Variants in ZNF623 observed in about 807,000 individuals in gnomAD.
ZNF623 encodes the protein zinc finger protein 623.
ZNF623 carries 16 observed loss-of-function variants against 24.0 expected under a neutral mutation model. The ratio of observed to expected loss-of-function variants is 0.67; its 90% CI spans 0.45 to 1.01. ZNF623 has a LOEUF of 1.01. ZNF623 is among the 50% of genes least tolerant of loss of function. The pLI, the probability that ZNF623 is intolerant of heterozygous loss-of-function variation, is 0.00. For missense variants in ZNF623, 566 were observed against 606.5 expected, an observed-to-expected ratio of 0.93 and a Z score of 0.70; for synonymous variants, 224 against 219.8, an observed-to-expected ratio of 1.02 and a Z score of -0.17.
chr8:143,643,964 C>T (rs1815115967), intron 1 of ZNF623, among the ~76,000 whole-genome samples: 1 of 152,146 alleles, frequency 6.6e-6, no homozygotes, highest in South Asian at 2.1e-4. Context: ...TGAAAATATC[C>T]TCACTGTTGG....
In ZNF623 at chr8:143,651,508, G is replaced by A. The variant is rs1815320738; in HGVS notation, c.*25G>A. On this transcript the variant is annotated 3_prime_UTR_variant, in exon 2 of 2. Coordinates refer to ENST00000526926, the MANE Select transcript of ZNF623 (RefSeq NM_001261843.2). ...AAATAATTACTTTCCCGCCCAGTGA[G>A]TGATGTTTGGAAATGCGTGGAATTA... The A allele has an allele frequency of 2.0e-6, 3 of 1,532,464 alleles. No individual in the cohort carries two copies. Among genetic ancestry groups the A allele is most frequent in the Non-Finnish European group, 2.6e-6 (3 of 1,143,686 alleles). 94.9% of individuals were successfully genotyped at this position (1,532,464 alleles called of 1,614,324 possible).
chr8:143,651,449 C>T lies in ZNF623; in HGVS notation c.1457C>T (p.Ser486Phe). 1 of 1,599,974 alleles carries T rather than the reference C, an allele frequency of 6.3e-7. No homozygotes were observed. The highest frequency in any genetic ancestry group is 8.5e-7 in the Non-Finnish European group (1 of 1,174,914). The change falls in exon 2 of 2, where the codon TCT becomes TTT. Residue 486 changes from serine (S) to phenylalanine (F), a missense_variant. Around this residue, in one of 3 missense-constraint regions of ZNF623, gnomAD observed 136 missense variants for 131.9 expected, o/e 1.03. Coordinates refer to ENST00000526926, the MANE Select transcript of ZNF623 (RefSeq NM_001261843.2). ...GCCCCCATACATTTGGGTGAGAGGT[C>T]TGTAGATAAGGGGGAACACACAGGT... The part of the protein sequence containing the change: ...SKAPIHLGER[S>F]VDKGEHTGNL
intron 1 of ZNF623, among the ~76,000 whole-genome samples, chr8:143,649,310 A>G (rs938037647): frequency 3.7e-4 from 56 of 151,852 alleles, no homozygotes; most frequent in African/African-American, 1.3e-3. Flanking sequence ...ACAAAAAAAC[A>G]GCAAGAGTGC....
At chr8:143,647,157 T>G (rs10866914) in intron 1 of ZNF623, among the ~76,000 whole-genome samples, 113,144 of 151,436 alleles carry the variant, frequency 0.75, 44,671 homozygotes, top group Non-Finnish European at 0.89. Flanking sequence ...GTTTTTTTTT[T>G]TTTTGTTTTG....
rs1815310524 is a variant in ZNF623, at chr8:143,651,321, AGAG to A, written c.1330_1332del (p.Glu444del). 1 of 1,614,106 alleles carries A rather than the reference AGAG, an allele frequency of 6.2e-7. No individual in the cohort carries two copies. Among genetic ancestry groups the A allele is most frequent in the Admixed American group, 1.7e-5 (1 of 59,994 alleles). On this transcript the variant is annotated inframe_deletion, in exon 2 of 2. Coordinates refer to ENST00000526926, the MANE Select transcript of ZNF623 (RefSeq NM_001261843.2). ...TTCAACACCAGAAAATTCATACTGA[AGAG>A]AAGCTCTATGAATGTAGTCAGTATG...
At chr8:143,639,322 C>G (rs937742383) in intron 1 of ZNF623, among the ~76,000 whole-genome samples, 34 of 152,272 alleles carry the variant, frequency 2.2e-4, no homozygotes, top group African/African-American at 8.2e-4. Context: ...CTCCTGGGTT[C>G]CAGTCATTCT....
rs530504457 is a variant in ZNF623 at position 143,637,720 on chromosome 8, T to A, written c.-96+1575T>A. ...ACACGGCACCACGTCCGGCTAATTT[T>A]TGTATTTTTAGTAGAGACGAGGTTT... is the stretch of plus-strand genomic sequence containing the variant. On this transcript the variant is annotated intron_variant, in intron 1 of 1. Coordinates refer to ENST00000526926, the MANE Select transcript of ZNF623 (RefSeq NM_001261843.2). Among the ~76,000 whole-genome samples, 38 of 152,256 alleles carry A rather than the reference T, an allele frequency of 2.5e-4. 2 individuals carry two copies. In the South Asian group the frequency reaches 7.7e-3, roughly 31 times the overall value.
chr8:143,650,539 A>G lies in ZNF623; in HGVS notation c.547A>G (p.Ile183Val). ...GGCGTTTTGTCACAGTTCAGACCTGATTAGGCACCAGAGAGTTCACACCAG... is the reference window on the plus strand; with the variant it reads ...GGCGTTTTGTCACAGTTCAGACCTGGTTAGGCACCAGAGAGTTCACACCAG... ...GKAFCHSSDL[I>V]RHQRVHTRER... Residue 183 changes from isoleucine to valine, a missense_variant, in exon 2 of 2, where the codon ATT (isoleucine) becomes GTT (valine). Ile to Val is a conservative substitution (Grantham distance 29, BLOSUM62 3). Around this residue, in one of 3 missense-constraint regions of ZNF623, gnomAD observed 313 missense variants for 300.4 expected, o/e 1.04. Coordinates refer to ENST00000526926, the MANE Select transcript of ZNF623 (RefSeq NM_001261843.2). This position sits in a 1 kb window ranked among gnomAD's most constrained non-coding sequence, Gnocchi z 5.2. 1.9e-6 allele frequency: 3 copies of G among 1,614,206 alleles called. No homozygotes were observed. The highest frequency in any genetic ancestry group is 2.2e-5 in the East Asian group (1 of 44,888).
intron 1 of ZNF623, among the ~76,000 whole-genome samples, chr8:143,647,147 GT>G (rs200303336): frequency 8.7e-4 from 116 of 133,938 alleles, no homozygotes; most frequent in African/African-American, 3.7e-3. Flanking sequence ...GTGCCTTGCT[GT>G]TTTTTTTTTT....
chr8:143,645,311 G>A (rs369585476), intron 1 of ZNF623, among the ~76,000 whole-genome samples: 3 of 151,734 alleles, frequency 2.0e-5, no homozygotes, highest in East Asian at 1.9e-4. Context: ...GCATGGTGGC[G>A]GGCGCCTGTA....
chr8:143,649,093 C>T (rs577049907), intron 1 of ZNF623, among the ~76,000 whole-genome samples: 28 of 151,836 alleles, frequency 1.8e-4, no homozygotes, highest in South Asian at 1.0e-3. Flanking sequence ...CTGGCTAACA[C>T]GGTAAAACCC....
At chr8:143,637,099 G>A (rs1477298976) in intron 1 of ZNF623, among the ~76,000 whole-genome samples, 1 of 152,216 alleles carries the variant, frequency 6.6e-6, no homozygotes, top group African/African-American at 2.4e-5. Context: ...GCCTGGGTGG[G>A]GCGGGGGCAG....
At position 143,650,270 on chromosome 8, in the gene ZNF623, C is replaced by T. The variant is rs375460182; in HGVS notation, c.278C>T (p.Thr93Met). Reference protein sequence around the residue: ...NPCDICGKTFTFNSDLVRHRI... With the variant: ...NPCDICGKTFMFNSDLVRHRI... ...TGCGATATCTGTGGCAAAACCTTCACGTTTAATTCGGACCTAGTTAGGCAT... is the reference window on the plus strand; with the variant it reads ...TGCGATATCTGTGGCAAAACCTTCATGTTTAATTCGGACCTAGTTAGGCAT... The change falls in exon 2 of 2, where the codon ACG becomes ATG. Residue 93 changes from threonine (T) to methionine (M), a missense_variant. Physicochemically the swap from Thr to Met is moderately conservative, Grantham distance 81. This residue lies in a region of ZNF623 where 313 missense variants were observed against 300.4 expected (regional missense o/e 1.04). Transcript: ENST00000526926. The surrounding 1 kb of genome is among the most constrained non-coding windows in gnomAD (Gnocchi z 5.2). 1.8e-5 allele frequency: 29 copies of T among 1,614,106 alleles called. No individual in the cohort carries two copies. Among genetic ancestry groups the T allele is most frequent in the Admixed American group, 3.3e-5 (2 of 60,006 alleles).
At position 143,653,325 on chromosome 8, in the gene ZNF623, A is replaced by C. The variant is rs768970112; in HGVS notation, c.*1842A>C. 5 of 165,900 alleles carry C rather than the reference A, an allele frequency of 3.0e-5. No individual in the cohort carries two copies. The highest frequency in any genetic ancestry group is 4.9e-5 in the African/African-American group (2 of 40,978). 10.3% of individuals were successfully genotyped at this position (165,900 alleles called of 1,614,324 possible). On this transcript the variant is annotated 3_prime_UTR_variant, in exon 2 of 2. Transcript: ENST00000526926. Reference sequence around the variant, plus strand: ...AAATACTACCAACCCTGAACGTCTCAGGACAAATAATTCAAAAAAGAGATC... The same window carrying C: ...AAATACTACCAACCCTGAACGTCTCCGGACAAATAATTCAAAAAAGAGATC...
intron 1 of ZNF623, among the ~76,000 whole-genome samples, chr8:143,646,542 T>C (rs945654548): frequency 1.5e-5 from 2 of 132,586 alleles, no homozygotes; most frequent in African/African-American, 6.8e-5. Flanking sequence ...CTGTGGGGTG[T>C]GTGCGTGTGT....
rs1563702573 is a variant in ZNF623 at position 143,650,892 on chromosome 8, C to T, written c.900C>T (p.Ile300=). ...CAAAGCTCATTCAGCATCAGAGGATCCATACTGGGGAGAGGCCTTACGTAT... is the reference window on the plus strand; with the variant it reads ...CAAAGCTCATTCAGCATCAGAGGATTCATACTGGGGAGAGGCCTTACGTAT... The part of the protein sequence containing the change: ...RSSKLIQHQR[I]HTGERPYVCN... Residue 300 remains isoleucine, a synonymous_variant, in exon 2 of 2, where the codon ATC becomes ATT. Coordinates refer to ENST00000526926, the MANE Select transcript of ZNF623 (RefSeq NM_001261843.2). The surrounding 1 kb of genome is among the most constrained non-coding windows in gnomAD (Gnocchi z 5.2). The T allele has an allele frequency of 6.2e-7, 1 of 1,613,878 alleles. No individual in the cohort carries two copies.
At position 143,650,323 on chromosome 8, in the gene ZNF623, T is replaced by C; in HGVS notation, c.331T>C (p.Tyr111His). Reference protein sequence around the residue: ...HRISHAGEKPYTCDQCGKGFG... With the variant: ...HRISHAGEKPHTCDQCGKGFG... ...GATTTCGCATGCTGGGGAGAAACCT[T>C]ACACGTGCGATCAGTGTGGGAAAGG... The change falls in exon 2 of 2, where the codon TAC becomes CAC. Residue 111 changes from tyrosine (Y) to histidine (H), a missense_variant. By Grantham distance (83) the Tyr-to-His change is moderately conservative. Transcript: ENST00000526926. The surrounding 1 kb of genome is among the most constrained non-coding windows in gnomAD (Gnocchi z 5.2). 6.2e-7 allele frequency: 1 copy of C among 1,614,250 alleles called. No homozygotes were observed. Among genetic ancestry groups the C allele is most frequent in the South Asian group, 1.1e-5 (1 of 91,084 alleles).
intron 1 of ZNF623, among the ~76,000 whole-genome samples, chr8:143,648,174 C>G (rs2131453439): frequency 6.6e-6 from 1 of 152,214 alleles, no homozygotes. Flanking sequence ...AGTGCACTCC[C>G]CTCTGTAATG....
At chr8:143,644,187 AT>A (rs1189098218) in intron 1 of ZNF623, among the ~76,000 whole-genome samples, 3 of 151,960 alleles carry the variant, frequency 2.0e-5, no homozygotes, top group Non-Finnish European at 4.4e-5. Context: ...CACCTGGATA[AT>A]TTTTGTATTT....
Sources: allele counts gnomAD v4.1 joint callset (sites outside exome capture counted in the v4.1 genomes callset), GRCh38; gene constraint gnomAD v4.1.1; regional missense constraint gnomAD v4.1.1; non-coding constraint Gnocchi (gnomAD v3.1); transcripts MANE v1.5; gene names NCBI Gene and HGNC (gene_info 2026-07-23, HGNC 2026-07-21).